SURF6: variants seen among roughly 807,000 people sequenced by gnomAD.
SURF6 encodes surfeit locus protein 6.
Under a neutral mutation model 37.5 loss-of-function variants are expected in SURF6, and 28 were observed. The ratio of observed to expected loss-of-function variants is 0.75; its 90% CI spans 0.55 to 1.02. The LOEUF is 1.02. SURF6 is among the 50% of genes least tolerant of loss of function. SURF6 has a pLI of 0.00. For missense variants in SURF6, 560 were observed against 490.5 expected (o/e 1.14, Z -1.34); for synonymous variants, 248 against 210.9 (o/e 1.18, Z -1.52).
At position 133,331,511 on chromosome 9, in the gene SURF6, G is replaced by C. The variant is rs1318954384; in HGVS notation, c.*358C>G. On this transcript the variant is annotated 3_prime_UTR_variant, in exon 5 of 5. Transcript: ENST00000372022. The stretch of plus-strand genomic sequence containing the variant: ...CCGTCTTCTGTCCCGTGGCTCCTGC[G>C]AACACAGGCAGTGGGGAACAGGCAG... 8.1e-6 allele frequency: 2 copies of C among 246,236 alleles called. No homozygotes were observed. Among genetic ancestry groups the C allele is most frequent in the African/African-American group, 4.5e-5 (2 of 44,824 alleles). The allele number at this position is 246,236 out of a possible 1,614,324, so 15.3% of individuals were successfully genotyped here.
Position 133,330,732 on chromosome 9 carries a change from T to A in SURF6, c.*1137A>T, listed in dbSNP as rs1402430260. 1.3e-5 allele frequency: 2 copies of A among 152,210 alleles called. No homozygotes were observed. Among genetic ancestry groups the A allele is most frequent in the African/African-American group, 4.8e-5 (2 of 41,468 alleles). 9.4% of individuals were successfully genotyped at this position (152,210 alleles called of 1,614,324 possible). A position where few individuals can be genotyped will look rare whatever the true frequency, so the allele number is the denominator to read the frequency against. On this transcript the variant is annotated 3_prime_UTR_variant, in exon 5 of 5. Coordinates refer to ENST00000372022, the MANE Select transcript of SURF6 (RefSeq NM_006753.6). Reference sequence around the variant, plus strand: ...AAAAAAAAATAGCTCAAATTTTTTTTAATGACATTGGGATACGGTCAGATA... The same window carrying A: ...AAAAAAAAATAGCTCAAATTTTTTTAAATGACATTGGGATACGGTCAGATA...
Position 133,332,571 on chromosome 9 carries a change from G to A in SURF6, c.583C>T (p.Pro195Ser). The change falls in exon 4 of 5, where the codon CCG (proline) becomes TCG (serine). Residue 195 changes from proline to serine, a missense_variant. Physicochemically the swap from Pro to Ser is moderately conservative, Grantham distance 74 (BLOSUM62 -1). Coordinates refer to ENST00000372022, the MANE Select transcript of SURF6 (RefSeq NM_006753.6). The part of the protein sequence containing the change: ...PEGACTEPRE[P>S]PGLIFNKVEV... ...ACCTTATTGAAGATCAGCCCGGGCG[G>A]CTCCCGCGGCTCCGTGCAGGCCCCC... 3 of 1,608,742 alleles carry A rather than the reference G, an allele frequency of 1.9e-6. No individual in the cohort carries two copies. Among genetic ancestry groups the A allele is most frequent in the African/African-American group, 2.7e-5 (2 of 75,060 alleles).
Position 133,332,330 on chromosome 9 carries a change from C to T in SURF6, c.625G>A (p.Glu209Lys), listed in dbSNP as rs139996844. 2.8e-5 allele frequency: 45 copies of T among 1,581,910 alleles called. No homozygotes were observed. Among genetic ancestry groups the T allele is most frequent in the Non-Finnish European group, 3.4e-5 (40 of 1,166,378 alleles). Residue 209 changes from glutamate to lysine, a missense_variant, in exon 5 of 5, where the codon GAG (glutamate) becomes AAG (lysine). Physicochemically the swap from Glu to Lys is moderately conservative, Grantham distance 56. Transcript: ENST00000372022. ...CTGCGCTGCGCCTTGCTGGCCGGCT[C>T]GTCTTCGCTCACCTCCACCTGGGAG... is the stretch of plus-strand genomic sequence containing the variant. ...IFNKVEVSED[E>K]PASKAQRRKE...
At chr9:133,336,015 T>C (rs1835867217) in intron 1 of SURF6, 24 bp downstream of exon 1, 6 of 1,604,342 alleles carry the variant, frequency 3.7e-6, no homozygotes, top group African/African-American at 1.3e-5. Context: ...GGCCCCTTAG[T>C]CCCGGCCCGG....
At position 133,330,203 on chromosome 9, in the gene SURF6, T is replaced by C. The variant is rs927783273; in HGVS notation, c.*1666A>G. On this transcript the variant is annotated 3_prime_UTR_variant, in exon 5 of 5. Transcript: ENST00000372022. ...TAGATGCACATACATTTAGGGGCTATGTTTTTTTGTGCTGCTTTAGCTCTG... is the reference window on the plus strand; with the variant it reads ...TAGATGCACATACATTTAGGGGCTACGTTTTTTTGTGCTGCTTTAGCTCTG... The C allele has an allele frequency of 2.0e-5, 3 of 152,226 alleles. No individual in the cohort carries two copies. The highest frequency in any genetic ancestry group is 2.0e-4 in the Admixed American group (3 of 15,282). 9.4% of individuals were successfully genotyped at this position (152,226 alleles called of 1,614,324 possible).
intron 1 of SURF6, among the ~76,000 whole-genome samples, chr9:133,335,235 GGCATGAGGCC>G (rs1234707495): frequency 2.0e-5 from 3 of 152,064 alleles, no homozygotes; most frequent in Non-Finnish European, 4.4e-5. Flanking sequence ...TGGGATTACA[GGCATGAGGCC>G]GCACGGCCGG....
chr9:133,333,903 A>G, intron 2 of SURF6, 97 bp from the exon 3 acceptor site: 1 of 985,224 alleles, frequency 1.0e-6, no homozygotes, highest in East Asian at 2.6e-5. Context: ...CCACTCATGG[A>G]TCTGCAGGGC....
rs1273435599 is a variant in SURF6, at chr9:133,331,039, T to C, written c.*830A>G. 6.6e-6 allele frequency: 1 copy of C among 152,246 alleles called. No homozygotes were observed. 9.4% of individuals were successfully genotyped at this position (152,246 alleles called of 1,614,324 possible). A position where few individuals can be genotyped will look rare whatever the true frequency, so the allele number is the denominator to read the frequency against. On this transcript the variant is annotated 3_prime_UTR_variant, in exon 5 of 5. Coordinates refer to ENST00000372022, the MANE Select transcript of SURF6 (RefSeq NM_006753.6). ...ATCAAAAGAATTTTATTTACAGCTT[T>C]ATCATCCATATGCCACTAAAATTCA...
At chr9:133,334,728 C>G in intron 1 of SURF6, 127 bp from the exon 2 acceptor site, 2 of 1,117,310 alleles carry the variant, frequency 1.8e-6, no homozygotes, top group Non-Finnish European at 2.5e-6. Flanking sequence ...GCCAGAGACA[C>G]TGATCCTAGA....
At chr9:133,333,330 G>T (rs1414698418) in intron 3 of SURF6, among the ~76,000 whole-genome samples, 1 of 152,168 alleles carries the variant, frequency 6.6e-6, no homozygotes, top group East Asian at 1.9e-4. Context: ...TTAAGGAAGG[G>T]CCCCAGGAAA....
At chr9:133,334,334 C>G in intron 2 of SURF6, 58 bp downstream of exon 2, 3 of 1,511,334 alleles carry the variant, frequency 2.0e-6, no homozygotes, top group Non-Finnish European at 2.7e-6. Context: ...GGGGACCAAG[C>G]CCAAGCCCAG....
rs2129913562 is a variant in SURF6 at position 133,331,986 on chromosome 9, G to A, written c.969C>T (p.Asp323=). ...TCCTGCGCAGGTTCTGCCGCCGCCG[G>A]TCCTGGCGCTGCTGCATCTTCTCCA... ...GVVEKMQQRQ[D]RRRQNLRRKK... is the part of the protein sequence containing the mutation. The change falls in exon 5 of 5, where the codon GAC becomes GAT. Residue 323 remains aspartate (D), a synonymous_variant. Coordinates refer to ENST00000372022, the MANE Select transcript of SURF6 (RefSeq NM_006753.6). The A allele has an allele frequency of 1.3e-6, 2 of 1,598,288 alleles. No individual in the cohort carries two copies. The highest frequency in any genetic ancestry group is 8.5e-7 in the Non-Finnish European group (1 of 1,178,782).
chr9:133,332,464 C>G (rs2129918542), intron 4 of SURF6, 84 bp downstream of exon 4: 166 of 1,552,526 alleles, frequency 1.1e-4, no homozygotes, highest in Middle Eastern at 5.2e-4. Flanking sequence ...TGATGGGGTT[C>G]GGAGAGAGAT....
intron 2 of SURF6, 151 bp downstream of exon 2, chr9:133,334,241 A>G (rs1835817089): frequency 1.4e-6 from 1 of 702,818 alleles, no homozygotes; most frequent in Non-Finnish European, 2.3e-6. Context: ...CATCCACCCT[A>G]GCACTCCTGT....
Position 133,330,686 on chromosome 9 carries a change from G to A in SURF6, c.*1183C>T, listed in dbSNP as rs183766103. ...ACTGCACTCCAGCCTGAGTGACAGA[G>A]CAAGACTCTATCTAAAAAACAAAAA... On this transcript the variant is annotated 3_prime_UTR_variant, in exon 5 of 5. Transcript: ENST00000372022. 6.7e-5 allele frequency: 10 copies of A among 150,306 alleles called. No homozygotes were observed. Among genetic ancestry groups the A allele is most frequent in the African/African-American group, 9.7e-5 (4 of 41,072 alleles). 9.3% of individuals were successfully genotyped at this position (150,306 alleles called of 1,614,324 possible). A position where few individuals can be genotyped will look rare whatever the true frequency, so the allele number is the denominator to read the frequency against.
At position 133,332,062 on chromosome 9, in the gene SURF6, T is replaced by C. The variant is rs2129914603; in HGVS notation, c.893A>G (p.Lys298Arg). 2 of 1,606,118 alleles carry C rather than the reference T, an allele frequency of 1.2e-6. No individual in the cohort carries two copies. Among genetic ancestry groups the C allele is most frequent in the Non-Finnish European group, 1.7e-6 (2 of 1,179,778 alleles). ...LLQEALKRKE[K>R]RRAQRQRRWE... The stretch of plus-strand genomic sequence containing the variant: ...CCGGCGCTGCCGCTGCGCCCTGCGC[T>C]TCTCCTTGCGCTTCAGGGCCTCCTG... Residue 298 changes from lysine (K) to arginine (R), a missense_variant, in exon 5 of 5, where the codon AAG becomes AGG. By Grantham distance (26) the Lys-to-Arg change is conservative. Coordinates refer to ENST00000372022, the MANE Select transcript of SURF6 (RefSeq NM_006753.6).
intron 1 of SURF6, among the ~76,000 whole-genome samples, chr9:133,334,841 T>C (rs2129929339): frequency 2.6e-5 from 4 of 152,262 alleles, no homozygotes; most frequent in African/African-American, 9.6e-5. Flanking sequence ...GAGTGAAACA[T>C]TAGAAAAACC....
In SURF6 at chr9:133,332,013, C is replaced by T; in HGVS notation, c.942G>A (p.Val314=). ...CCTGGCGCTGCTGCATCTTCTCCAC[C>T]ACGCCGGCCGTGCGCTTCTCCCACC... ...QRRWEKRTAG[V]VEKMQQRQDR... The change falls in exon 5 of 5, where the codon GTG becomes GTA. Residue 314 remains valine, a synonymous_variant. Coordinates refer to ENST00000372022, the MANE Select transcript of SURF6 (RefSeq NM_006753.6). 6.2e-7 allele frequency: 1 copy of T among 1,600,298 alleles called. No individual in the cohort carries two copies. Among genetic ancestry groups the T allele is most frequent in the Non-Finnish European group, 8.5e-7 (1 of 1,179,140 alleles).
At chr9:133,334,924 G>A (rs2129929479) in intron 1 of SURF6, among the ~76,000 whole-genome samples, 1 of 152,116 alleles carries the variant, frequency 6.6e-6, no homozygotes, top group East Asian at 1.9e-4. Flanking sequence ...CAAACACAAT[G>A]GCAAGGGCTT....
Sources: gnomAD v4.1 joint callset for allele counts (sites outside exome capture counted in the v4.1 genomes callset) on GRCh38, gnomAD v4.1.1 for gene constraint, MANE v1.5 for transcripts, NCBI Gene and HGNC (gene_info 2026-07-23, HGNC 2026-07-21) for gene names.